CFP: variants seen among roughly 807,000 people sequenced by gnomAD.
CFP encodes the protein complement factor properdin, also known as properdin.
In CFP, 14 loss-of-function variants were observed where a neutral mutation model predicts 42.1. That is an observed-to-expected ratio of 0.33 (90% CI 0.22 to 0.52). CFP has a LOEUF of 0.52. CFP is among the 20% of genes least tolerant of loss of function. CFP has a pLI of 0.96. For missense variants in CFP, 318 were observed against 400.4 expected, an observed-to-expected ratio of 0.79 and a Z score of 1.76; for synonymous variants, 149 against 160.6, an observed-to-expected ratio of 0.93 and a Z score of 0.54.
intron 2 of CFP, 109 bp downstream of exon 2, chrX:47,629,415 C>T (rs2057981502): frequency 3.3e-6 from 2 of 605,691 alleles, no homozygotes; most frequent in African/African-American, 4.5e-5. Flanking sequence ...ACGATCAGGG[C>T]CTCAGGGCCA....
chrX:47,626,891 G>A lies in CFP; in HGVS notation c.822C>T (p.Gly274=). The A allele has an allele frequency of 8.3e-7, 1 of 1,200,612 alleles. No individual in the cohort carries two copies. Among genetic ancestry groups the A allele is most frequent in the Non-Finnish European group, 1.1e-6 (1 of 889,424 alleles). The change falls in exon 6 of 9, where the codon GGC becomes GGT. Residue 274 remains glycine, a synonymous_variant. Transcript: ENST00000396992. ...GPVSPCPVTC[G]LGQTMEQRTC... ...TCCGTTGTTCCATGGTCTGGCCCAG[G>A]CCACAGGTCACAGGGCAGGGGCTCA...
At chrX:47,627,079 G>C (rs1419887298) in intron 5 of CFP, 62 bp downstream of exon 5, 1 of 1,175,587 alleles carries the variant, frequency 8.5e-7, no homozygotes, top group African/African-American at 1.8e-5. Context: ...AGAAATGGCA[G>C]AGCATCTCTG....
rs1191721868 is a variant in CFP at position 47,629,909 on chromosome X, C to T, written c.-65G>A. On this transcript the variant is annotated 5_prime_UTR_variant, in exon 1 of 9. Transcript: ENST00000396992. Reference sequence around the variant, plus strand: ...CCCGCTTTATCTGGGTTGATAGGCTCCTGGAATCAGCAGGGAAAGAGGAAC... The same window carrying T: ...CCCGCTTTATCTGGGTTGATAGGCTTCTGGAATCAGCAGGGAAAGAGGAAC... The T allele has an allele frequency of 4.2e-5, 46 of 1,102,010 alleles. No homozygotes were observed. Among genetic ancestry groups the T allele is most frequent in the Non-Finnish European group, 5.5e-5 (45 of 814,907 alleles). The allele number at this position is 1,102,010 out of a possible 1,213,427, so 90.8% of individuals were successfully genotyped here. A position where few individuals can be genotyped will look rare whatever the true frequency, so the allele number is the denominator to read the frequency against.
At position 47,626,766 on chromosome X, in the gene CFP, T is replaced by C. The variant is rs375455564; in HGVS notation, c.940+7A>G. 7.2e-5 allele frequency: 86 copies of C among 1,200,011 alleles called. No homozygotes were observed. The African/African-American group carries it at 1.2e-3, about 17-fold the overall frequency. On this transcript the variant is annotated splice_region_variant and intron_variant, in intron 6 of 8. Transcript: ENST00000396992. ...GGCATGCAAATCGTGAACCCTGAGA[T>C]GCTGACCAGGGCAGGGCACAGCTGT...
intron 6 of CFP, 33 bp from the exon 7 acceptor site, chrX:47,626,552 A>G (rs1444700573): frequency 8.4e-7 from 1 of 1,197,474 alleles, no homozygotes; most frequent in Non-Finnish European, 1.1e-6. Context: ...GATTGGACCA[A>G]AGCAGGGAAT....
chrX:47,627,772 G>A (rs997194113), intron 3 of CFP, 131 bp from the exon 4 acceptor site: 21 of 718,772 alleles, frequency 2.9e-5, no homozygotes, highest in East Asian at 2.1e-4. Context: ...CACCATCCCC[G>A]CTCACCGGGC....
At chrX:47,627,720 G>T in intron 3 of CFP, 79 bp from the exon 4 acceptor site, 1 of 965,100 alleles carries the variant, frequency 1.0e-6, no homozygotes, top group Non-Finnish European at 1.4e-6. Context: ...TGCCCCACAT[G>T]AGCTAATCCT....
chrX:47,627,016 A>G, intron 5 of CFP, 70 bp from the exon 6 acceptor site: 1 of 1,142,710 alleles, frequency 8.8e-7, no homozygotes, highest in Non-Finnish European at 1.2e-6. Flanking sequence ...TAGACCCTTG[A>G]AGCAGACTGT....
upstream of CFP, chrX:47,630,293 G>A (rs1055263132): frequency 1.7e-5 from 3 of 172,521 alleles, no homozygotes; most frequent in Non-Finnish European, 3.3e-5. Context: ...GGTGAAGTGA[G>A]TGTGCGGTGC....
In CFP at chrX:47,626,443, T is replaced by G; in HGVS notation, c.1017A>C (p.Glu339Asp). 1 of 1,211,589 alleles carries G rather than the reference T, an allele frequency of 8.3e-7. No homozygotes were observed. Among genetic ancestry groups the G allele is most frequent in the African/African-American group, 1.7e-5 (1 of 57,693 alleles). ...TCCCGCGTGACTGCTGGCCCGGGATTTCTTGACAGCTGATGGACTTCATGT... is the reference window on the plus strand; with the variant it reads ...TCCCGCGTGACTGCTGGCCCGGGATGTCTTGACAGCTGATGGACTTCATGT... ...RRNMKSISCQEIPGQQSRGRT... is the reference protein window; with the variant it reads ...RRNMKSISCQDIPGQQSRGRT... Residue 339 changes from glutamate (E) to aspartate (D), a missense_variant, in exon 7 of 9, where the codon GAA (glutamate) becomes GAC (aspartate). By Grantham distance (45) the Glu-to-Asp change is conservative. Transcript: ENST00000396992.
chrX:47,624,546 TTTTTTTTTTTTTCC>T (rs1478901058), intron 8 of CFP, 106 bp from the exon 9 acceptor site: 1 of 646,819 alleles, frequency 1.5e-6, no homozygotes, highest in East Asian at 3.9e-5. Context: ...CTACTTTTTT[TTTTTTTTTTTTTCC>T]TTTTTTTTTT....
In CFP at chrX:47,623,968, C is replaced by G. The variant is rs751557156; in HGVS notation, c.*307G>C. 3.2e-6 allele frequency: 1 copy of G among 313,456 alleles called. No homozygotes were observed. Among genetic ancestry groups the G allele is most frequent in the East Asian group, 6.3e-5 (1 of 15,770 alleles). The allele number at this position is 313,456 out of a possible 1,213,427, so 25.8% of individuals were successfully genotyped here. A position where few individuals can be genotyped will look rare whatever the true frequency, so the allele number is the denominator to read the frequency against. Reference sequence around the variant, plus strand: ...TCTGCAGAGGAACGTGCCGGGCGGCCCTGAGGCTCTAAGGGGGCTGCGCAG... The same window carrying G: ...TCTGCAGAGGAACGTGCCGGGCGGCGCTGAGGCTCTAAGGGGGCTGCGCAG... On this transcript the variant is annotated 3_prime_UTR_variant, in exon 9 of 9. Transcript: ENST00000396992.
chrX:47,624,427 T>C lies in CFP; in HGVS notation c.1258A>G (p.Met420Val), dbSNP rs1013228436. 14 of 1,208,293 alleles carry C rather than the reference T, an allele frequency of 1.2e-5. No homozygotes were observed. The highest frequency in any genetic ancestry group is 1.6e-5 in the Non-Finnish European group (14 of 894,172). ...LLPKYPPTVS[M>V]VEGQGEKNVT... Reference sequence around the variant, plus strand: ...TTCTTCTCGCCCTGACCTTCGACCATGGAAACGGTGGGCCTGAGGCATTAG... The same window carrying C: ...TTCTTCTCGCCCTGACCTTCGACCACGGAAACGGTGGGCCTGAGGCATTAG... The change falls in exon 9 of 9, where the codon ATG becomes GTG. Residue 420 changes from methionine (M) to valine (V), a missense_variant. Met to Val is a conservative substitution (Grantham distance 21, BLOSUM62 1). Transcript: ENST00000396992.
At position 47,629,920 on chromosome X, in the gene CFP, C is replaced by T; in HGVS notation, c.-76G>A. ...TGGGTTGATAGGCTCCTGGAATCAG[C>T]AGGGAAAGAGGAACCTAGAGGCAGG... On this transcript the variant is annotated 5_prime_UTR_variant, in exon 1 of 9. Coordinates refer to ENST00000396992, the MANE Select transcript of CFP (RefSeq NM_001145252.3). 3 of 1,076,874 alleles carry T rather than the reference C, an allele frequency of 2.8e-6. No individual in the cohort carries two copies. Among genetic ancestry groups the T allele is most frequent in the Non-Finnish European group, 3.8e-6 (3 of 790,542 alleles). 88.7% of individuals were successfully genotyped at this position (1,076,874 alleles called of 1,213,427 possible).
chrX:47,629,486 T>TGCCC, intron 2 of CFP, 38 bp downstream of exon 2: 37 of 669,605 alleles, frequency 5.5e-5, no homozygotes, highest in Non-Finnish European at 7.2e-5. Flanking sequence ...AGACAGTCCT[T>TGCCC]CCCTCCCCCC....
At position 47,627,249 on chromosome X, in the gene CFP, G is replaced by T. The variant is rs372336803; in HGVS notation, c.658C>A (p.Arg220=). ...TCAGGTGCAGAACACTTGCGGCTTC[G>T]TGTCTCCTTAGGTTCGTGGGGTCCA... ...HGGPHEPKET[R]SRKCSAPEPS... The change falls in exon 5 of 9, where the codon CGA becomes AGA. Residue 220 remains arginine (R), a synonymous_variant. Transcript: ENST00000396992. 12 of 1,209,837 alleles carry T rather than the reference G, an allele frequency of 9.9e-6. No individual in the cohort carries two copies. Among genetic ancestry groups the T allele is most frequent in the Non-Finnish European group, 1.3e-5 (12 of 894,730 alleles).
chrX:47,629,170 ATG>A (rs1226353542), intron 2 of CFP: 1 of 233,347 alleles, frequency 4.3e-6, no homozygotes, highest in Non-Finnish European at 7.7e-6. Context: ...TGTGTGAGCT[ATG>A]TCAGTGGTTC....
At position 47,624,344 on chromosome X, in the gene CFP, C is replaced by A; in HGVS notation, c.1341G>T (p.Leu447=). The A allele has an allele frequency of 8.3e-7, 1 of 1,210,388 alleles. No individual in the cohort carries two copies. Among genetic ancestry groups the A allele is most frequent in the Non-Finnish European group, 1.1e-6 (1 of 895,080 alleles). Residue 447 remains leucine (L), a synonymous_variant, in exon 9 of 9, where the codon CTG becomes CTT. Coordinates refer to ENST00000396992, the MANE Select transcript of CFP (RefSeq NM_001145252.3). ...GACATGGTCGTTTCTCCTCCACCAC[C>A]AGCTTCTGCCCTTGTAGCTCCTCAC... ...PRCEELQGQK[L]VVEEKRPCLH...
chrX:47,627,648 G>T lies in CFP; in HGVS notation c.404-7C>A. The T allele has an allele frequency of 8.4e-7, 1 of 1,190,276 alleles. No homozygotes were observed. Among genetic ancestry groups the T allele is most frequent in the Non-Finnish European group, 1.1e-6 (1 of 883,461 alleles). On this transcript the variant is annotated splice_polypyrimidine_tract_variant and splice_region_variant and intron_variant, in intron 3 of 8. Transcript: ENST00000396992. ...CCAGACCAGCCGCCCATCTCTGTGG[G>T]AGAGAAGAGAGGGTAATGGGATGGA...
Sources: gnomAD v4.1 joint callset for allele counts on GRCh38, gnomAD v4.1.1 for gene constraint, MANE v1.5 for transcripts, NCBI Gene and HGNC (gene_info 2026-07-23, HGNC 2026-07-21) for gene names.